NSL1: variants seen among roughly 807,000 people sequenced by gnomAD.
NSL1 encodes kinetochore-associated protein NSL1 homolog.
A neutral mutation model predicts 25.4 loss-of-function variants in NSL1; 11 were observed. The ratio of observed to expected loss-of-function variants is 0.43; its 90% CI spans 0.27 to 0.72. The LOEUF is 0.72. Among genes scored for constraint, NSL1 ranks in the 30% least tolerant of loss-of-function variants. The pLI is 0.19. For synonymous variants in NSL1, 118 were observed against 120.6 expected (o/e 0.98, Z 0.14); for missense variants, 330 against 342.7 (o/e 0.96, Z 0.29).
At chr1:212,738,742 G>C in intron 5 of NSL1, 56 bp from the exon 6 acceptor site, 1 of 1,423,474 alleles carries the variant, frequency 7.0e-7, no homozygotes, top group Non-Finnish European at 9.7e-7. Context: ...AACACAAACA[G>C]ACAAAGATGG....
intron 4 of NSL1, among the ~76,000 whole-genome samples, chr1:212,745,296 C>A (rs888635969): frequency 6.6e-6 from 1 of 151,218 alleles, no homozygotes. Flanking sequence ...AATAACTTCC[C>A]AAATTTGATA....
Position 212,760,114 on chromosome 1 carries a change from T to C in NSL1, c.500-20513A>G, listed in dbSNP as rs920762855. Among the ~76,000 whole-genome samples, 1 of 149,738 alleles carries C rather than the reference T, an allele frequency of 6.7e-6. No homozygotes were observed. The highest frequency in any genetic ancestry group is 1.5e-5 in the Non-Finnish European group (1 of 67,740). On this transcript the variant is annotated intron_variant, in intron 4 of 5. Coordinates refer to ENST00000366977, the MANE Select transcript of NSL1 (RefSeq NM_015471.4). This position sits in a 1 kb window ranked among gnomAD's most constrained non-coding sequence, Gnocchi z 4.3. ...AATCATACTGTCCAGGGCCTGGGGA[T>C]TGACCTGCCCCGCCAGCTGCTTCTG... is the stretch of plus-strand genomic sequence containing the variant.
chr1:212,727,040 CGA>C lies in NSL1; in HGVS notation c.*11366_*11367del. 6.8e-7 allele frequency: 1 copy of C among 1,462,776 alleles called. No homozygotes were observed. The highest frequency in any genetic ancestry group is 1.3e-5 in the South Asian group (1 of 76,150). The allele number at this position is 1,462,776 out of a possible 1,614,324, so 90.6% of individuals were successfully genotyped here. ...CTACTCCGGCCTTGGAGATGACTGC[CGA>C]GAGAGGGAGGGCGGGCTCTGGGTCA... On this transcript the variant is annotated 3_prime_UTR_variant, in exon 6 of 6. Transcript: ENST00000366977.
At chr1:212,763,339 C>T (rs567193183) in intron 4 of NSL1, among the ~76,000 whole-genome samples, 4 of 151,802 alleles carry the variant, frequency 2.6e-5, no homozygotes, top group Admixed American at 2.6e-4. Context: ...CTCCTGAAAG[C>T]ATAAATCTCA....
rs541393694 is a variant in NSL1 at position 212,783,883 on chromosome 1, A to G, written c.444+480T>C. Reference sequence around the variant, plus strand: ...TCACCCAGATGTTCATGATTTTTGCAGCAAAACAAATTACACCCAATTCAT... The same window carrying G: ...TCACCCAGATGTTCATGATTTTTGCGGCAAAACAAATTACACCCAATTCAT... On this transcript the variant is annotated intron_variant, in intron 3 of 5. Coordinates refer to ENST00000366977, the MANE Select transcript of NSL1 (RefSeq NM_015471.4). Among the ~76,000 whole-genome samples the G allele has an allele frequency of 1.1e-4, 17 of 152,324 alleles. No homozygotes were observed. The South Asian group carries it at 3.3e-3, about 30-fold the overall frequency.
Position 212,736,573 on chromosome 1 carries a change from A to G in NSL1, c.*1835T>C. ...GCTTTTCTTAGTTAATAATGCTAAT[A>G]CGTACTGTCTTTCCCAGTGGTATTT... On this transcript the variant is annotated 3_prime_UTR_variant, in exon 6 of 6. Coordinates refer to ENST00000366977, the MANE Select transcript of NSL1 (RefSeq NM_015471.4). The G allele has an allele frequency of 2.0e-6, 2 of 985,204 alleles. No homozygotes were observed. The highest frequency in any genetic ancestry group is 2.4e-6 in the Non-Finnish European group (2 of 829,700). The allele number at this position is 985,204 out of a possible 1,614,324, so 61.0% of individuals were successfully genotyped here.
Position 212,729,968 on chromosome 1 carries a change from G to A in NSL1, c.*8440C>T, listed in dbSNP as rs1205643754. 2 of 984,892 alleles carry A rather than the reference G, an allele frequency of 2.0e-6. No homozygotes were observed. Among genetic ancestry groups the A allele is most frequent in the East Asian group, 1.1e-4 (1 of 8,808 alleles). 61.0% of individuals were successfully genotyped at this position (984,892 alleles called of 1,614,324 possible). ...GGATTTTTTTTTTTAAGAATGAAAT[G>A]GGCCGGGCGTGGCGGCTCACTCCTG... On this transcript the variant is annotated 3_prime_UTR_variant, in exon 6 of 6. Transcript: ENST00000366977.
At chr1:212,782,619 T>C (rs1323348553) in intron 3 of NSL1, among the ~76,000 whole-genome samples, 193 bp from the exon 4 acceptor site, 1 of 152,178 alleles carries the variant, frequency 6.6e-6, no homozygotes, top group African/African-American at 2.4e-5. Flanking sequence ...TCTTTTACAG[T>C]ACTGCCACCT....
chr1:212,754,488 A>G (rs1659208638), intron 4 of NSL1, among the ~76,000 whole-genome samples: 1 of 152,110 alleles, frequency 6.6e-6, no homozygotes. Context: ...AAAAACTGCC[A>G]CTAACCAGCC....
Position 212,726,377 on chromosome 1 carries a change from C to T in NSL1, c.*12031G>A, listed in dbSNP as rs996256282. 6.6e-6 allele frequency: 1 copy of T among 152,164 alleles called. No homozygotes were observed. The highest frequency in any genetic ancestry group is 2.4e-5 in the African/African-American group (1 of 41,418). 9.4% of individuals were successfully genotyped at this position (152,164 alleles called of 1,614,324 possible). On this transcript the variant is annotated 3_prime_UTR_variant, in exon 6 of 6. Coordinates refer to ENST00000366977, the MANE Select transcript of NSL1 (RefSeq NM_015471.4). ...TCAGTTCAGAAAATCCAGTTCAAGC[C>T]AATTATTCAAACAGTTTTTGGGAGG... is the stretch of plus-strand genomic sequence containing the variant.
chr1:212,748,611 C>T (rs1658917185), intron 4 of NSL1, among the ~76,000 whole-genome samples: 1 of 152,064 alleles, frequency 6.6e-6, no homozygotes, highest in Non-Finnish European at 1.5e-5. Flanking sequence ...AGAATGCATA[C>T]TATATGATTC....
At chr1:212,742,320 T>C (rs929268679) in intron 4 of NSL1, among the ~76,000 whole-genome samples, 3 of 152,098 alleles carry the variant, frequency 2.0e-5, no homozygotes, top group Admixed American at 6.5e-5. Flanking sequence ...AGATCAGAAG[T>C]ATGGATGGAA....
At chr1:212,781,250 CTAAG>C (rs1372500058) in intron 4 of NSL1, among the ~76,000 whole-genome samples, 1 of 152,172 alleles carries the variant, frequency 6.6e-6, no homozygotes, top group Non-Finnish European at 1.5e-5. Context: ...GGGTCATTAA[CTAAG>C]TGTGTTTTCC....
In NSL1 at chr1:212,760,118, C is replaced by T. The variant is rs1659492066; in HGVS notation, c.500-20517G>A. Among the ~76,000 whole-genome samples the T allele has an allele frequency of 6.6e-6, 1 of 151,816 alleles. No individual in the cohort carries two copies. The highest frequency in any genetic ancestry group is 1.5e-5 in the Non-Finnish European group (1 of 67,956). On this transcript the variant is annotated intron_variant, in intron 4 of 5. Transcript: ENST00000366977. This position sits in a 1 kb window ranked among gnomAD's most constrained non-coding sequence, Gnocchi z 4.3. ...ATACTGTCCAGGGCCTGGGGATTGACCTGCCCCGCCAGCTGCTTCTGGGGC... is the reference window on the plus strand; with the variant it reads ...ATACTGTCCAGGGCCTGGGGATTGATCTGCCCCGCCAGCTGCTTCTGGGGC...
chr1:212,747,796 C>T (rs1658874565), intron 4 of NSL1, among the ~76,000 whole-genome samples: 1 of 152,032 alleles, frequency 6.6e-6, no homozygotes, highest in South Asian at 2.1e-4. Context: ...CACAGGGTCT[C>T]ACTCTGTCAC....
At chr1:212,754,434 C>T (rs1168014106) in intron 4 of NSL1, among the ~76,000 whole-genome samples, 1 of 151,984 alleles carries the variant, frequency 6.6e-6, no homozygotes, top group Non-Finnish European at 1.5e-5. Context: ...TGTTTGAAAC[C>T]GAGGGCTGAG....
chr1:212,740,324 A>G (rs927660517), intron 4 of NSL1, among the ~76,000 whole-genome samples: 2 of 152,186 alleles, frequency 1.3e-5, no homozygotes, highest in African/African-American at 4.8e-5. Context: ...TATTTCTTTC[A>G]TAACTGCTAT....
rs1243266635 is a variant in NSL1 at position 212,728,061 on chromosome 1, TG to T, written c.*10346del. Reference sequence around the variant, plus strand: ...CATGGTCTATAGACCGCTGGGAAGGTGGCCAGGCACTTCCCTTCTCATCTCC... The same window carrying T: ...CATGGTCTATAGACCGCTGGGAAGGTGCCAGGCACTTCCCTTCTCATCTCC... On this transcript the variant is annotated 3_prime_UTR_variant, in exon 6 of 6. Transcript: ENST00000366977. The T allele has an allele frequency of 1.0e-6, 1 of 985,212 alleles. No individual in the cohort carries two copies. The highest frequency in any genetic ancestry group is 1.2e-6 in the Non-Finnish European group (1 of 829,876). The allele number at this position is 985,212 out of a possible 1,614,324, so 61.0% of individuals were successfully genotyped here.
intron 4 of NSL1, among the ~76,000 whole-genome samples, chr1:212,757,811 C>G (rs1659383807): frequency 6.6e-6 from 1 of 152,210 alleles, no homozygotes; most frequent in Non-Finnish European, 1.5e-5. Context: ...AGGAACAAAA[C>G]ATCCAAACCA....
Sources: allele counts gnomAD v4.1 joint callset (sites outside exome capture counted in the v4.1 genomes callset), GRCh38; gene constraint gnomAD v4.1.1; non-coding constraint Gnocchi (gnomAD v3.1); transcripts MANE v1.5; gene names NCBI Gene and HGNC (gene_info 2026-07-23, HGNC 2026-07-21).